The following C3orf70 variants were observed in gnomAD, a reference collection of about 807,000 sequenced individuals.
The protein encoded by C3orf70 is UPF0524 protein C3orf70.
In C3orf70, 15 loss-of-function variants were observed where a neutral mutation model predicts 20.7. The ratio of observed to expected loss-of-function variants is 0.72; its 90% CI spans 0.48 to 1.11. The LOEUF (loss-of-function observed/expected upper bound fraction) is 1.11. C3orf70 is among the 50% of genes most tolerant of loss of function. The pLI is 0.00. For missense variants in C3orf70, 332 were observed against 317.6 expected, an observed-to-expected ratio of 1.05 and a Z score of -0.34; for synonymous variants, 161 against 125.7, an observed-to-expected ratio of 1.28 and a Z score of -1.88.
At chr3:185,098,038 A>C (rs781308979) in intron 1 of C3orf70, among the ~76,000 whole-genome samples, 1 of 152,242 alleles carries the variant, frequency 6.6e-6, no homozygotes, top group Non-Finnish European at 1.5e-5. Context: ...ATCACTTGAC[A>C]ATATAATGGA....
At chr3:185,147,535 G>A (rs1442716023) in intron 1 of C3orf70, among the ~76,000 whole-genome samples, 1 of 152,198 alleles carries the variant, frequency 6.6e-6, no homozygotes, top group Non-Finnish European at 1.5e-5. Flanking sequence ...GTGCAATGAT[G>A]GTTAAGAGTC....
chr3:185,151,057 A>G (rs1375129822), intron 1 of C3orf70, among the ~76,000 whole-genome samples: 12 of 152,242 alleles, frequency 7.9e-5, no homozygotes, highest in Admixed American at 7.9e-4. Context: ...TGAAACAGCC[A>G]TGATCTAAAA....
rs545509548 is a variant in C3orf70, at chr3:185,134,734, C to T, written c.196+17894G>A. On this transcript the variant is annotated intron_variant, in intron 1 of 1. Coordinates refer to ENST00000335012, the MANE Select transcript of C3orf70 (RefSeq NM_001025266.3). ...AGCCAGTAAAGGCTGACAGCTGGGG[C>T]CAAAGATGAACTTCCACCCTTGAAA... Among the ~76,000 whole-genome samples, 10 of 152,256 alleles carry T rather than the reference C, an allele frequency of 6.6e-5. No homozygotes were observed. In the South Asian group the frequency reaches 2.1e-3, roughly 32 times the overall value.
chr3:185,099,565 AG>A (rs1266990358), intron 1 of C3orf70, among the ~76,000 whole-genome samples: 1 of 152,236 alleles, frequency 6.6e-6, no homozygotes, highest in Non-Finnish European at 1.5e-5. Flanking sequence ...GAGCTCCTGA[AG>A]GAAGGAGTAA....
intron 1 of C3orf70, among the ~76,000 whole-genome samples, chr3:185,088,978 C>G (rs1400077177): frequency 6.6e-6 from 1 of 152,074 alleles, no homozygotes. Context: ...GCCAGCAGAG[C>G]CTGAAGAGGG....
chr3:185,097,059 A>C (rs1199394455), intron 1 of C3orf70, among the ~76,000 whole-genome samples: 1 of 152,052 alleles, frequency 6.6e-6, no homozygotes, highest in Non-Finnish European at 1.5e-5. Context: ...GAGTTTAATA[A>C]TACTCTATAT....
chr3:185,116,224 G>T (rs1347566200), intron 1 of C3orf70, among the ~76,000 whole-genome samples: 1 of 152,174 alleles, frequency 6.6e-6, no homozygotes, highest in Non-Finnish European at 1.5e-5. Flanking sequence ...CTCAGCAAAG[G>T]AAGAATGCTA....
At chr3:185,101,559 T>C (rs1715824693) in intron 1 of C3orf70, among the ~76,000 whole-genome samples, 1 of 152,188 alleles carries the variant, frequency 6.6e-6, no homozygotes, top group Non-Finnish European at 1.5e-5. Context: ...AGGCGTCTGC[T>C]TCTGGGGAGG....
At chr3:185,128,498 G>A (rs1199879908) in intron 1 of C3orf70, among the ~76,000 whole-genome samples, 1 of 151,240 alleles carries the variant, frequency 6.6e-6, no homozygotes, top group Non-Finnish European at 1.5e-5. Flanking sequence ...ACTGCACTCC[G>A]GCCTGGCTAC....
rs1715220086 is a variant in C3orf70 at position 185,077,491 on chromosome 3, A to C, written c.*5516T>G. Among the ~76,000 whole-genome samples, 1 of 152,180 alleles carries C rather than the reference A, an allele frequency of 6.6e-6. No homozygotes were observed. Among genetic ancestry groups the C allele is most frequent in the Admixed American group, 6.5e-5 (1 of 15,282 alleles). On this transcript the variant is annotated 3_prime_UTR_variant, in exon 2 of 2. Coordinates refer to ENST00000335012, the MANE Select transcript of C3orf70 (RefSeq NM_001025266.3). ...GAAAGCTTAAGGTAGCCATTGAACT[A>C]TAATTAATATTAACAAGGATTTTAT...
intron 1 of C3orf70, among the ~76,000 whole-genome samples, chr3:185,107,824 T>A (rs1192187880): frequency 6.6e-6 from 1 of 152,172 alleles, no homozygotes; most frequent in African/African-American, 2.4e-5. Context: ...TTCCAAAAAA[T>A]TGGCCTTTAA....
rs1717029131 is a variant in C3orf70, at chr3:185,152,976, G to A, written c.-153C>T. ...CGGCGGCGGGAGCGCGGCGGTCCCAGGCTCGAGGAGGAGCCGCCCCGGGCG... is the reference window on the plus strand; with the variant it reads ...CGGCGGCGGGAGCGCGGCGGTCCCAAGCTCGAGGAGGAGCCGCCCCGGGCG... On this transcript the variant is annotated 5_prime_UTR_variant, in exon 1 of 2. Transcript: ENST00000335012. 20 of 536,330 alleles carry A rather than the reference G, an allele frequency of 3.7e-5. No homozygotes were observed. In the Middle Eastern group the frequency reaches 1.8e-3, roughly 47 times the overall value. The allele number at this position is 536,330 out of a possible 1,614,324, so 33.2% of individuals were successfully genotyped here. A position where few individuals can be genotyped will look rare whatever the true frequency, so the allele number is the denominator to read the frequency against.
rs553074664 is a variant in C3orf70, at chr3:185,080,653, A to G, written c.*2354T>C. On this transcript the variant is annotated 3_prime_UTR_variant, in exon 2 of 2. Transcript: ENST00000335012. ...TGACTGCACTGCTGTGGCCTGACAC[A>G]CGGCTTGCAGGCATTTGGCTTCCAC... 1 of 152,400 alleles carries G rather than the reference A, an allele frequency of 6.6e-6. No individual in the cohort carries two copies. The highest frequency in any genetic ancestry group is 2.4e-5 in the African/African-American group (1 of 41,536). 9.4% of individuals were successfully genotyped at this position (152,400 alleles called of 1,614,324 possible).
At chr3:185,109,484 G>A (rs1400494179) in intron 1 of C3orf70, among the ~76,000 whole-genome samples, 2 of 152,082 alleles carry the variant, frequency 1.3e-5, no homozygotes, top group African/African-American at 4.8e-5. Context: ...CTGATGCTGA[G>A]GAGGACCCCA....
intron 1 of C3orf70, among the ~76,000 whole-genome samples, chr3:185,124,208 T>G (rs977273664): frequency 3.9e-5 from 6 of 152,206 alleles, no homozygotes; most frequent in Admixed American, 3.3e-4. Context: ...TATCCACAGA[T>G]TTTGGTATCC....
chr3:185,110,951 C>G (rs916922566), intron 1 of C3orf70, among the ~76,000 whole-genome samples: 6 of 152,102 alleles, frequency 3.9e-5, no homozygotes, highest in African/African-American at 1.4e-4. Context: ...CTGTGAGACC[C>G]CTGATTTCCC....
At chr3:185,129,336 T>TA (rs1447055379) in intron 1 of C3orf70, among the ~76,000 whole-genome samples, 4 of 152,254 alleles carry the variant, frequency 2.6e-5, no homozygotes, top group Non-Finnish European at 5.9e-5. Context: ...TTTGGTTTTC[T>TA]AGTTTTTGCA....
At chr3:185,146,275 CATTTTT>C (rs1716873446) in intron 1 of C3orf70, among the ~76,000 whole-genome samples, 1 of 114,400 alleles carries the variant, frequency 8.7e-6, no homozygotes, top group African/African-American at 3.3e-5. Flanking sequence ...TTACAACTCT[CATTTTT>C]TTTTTTTTTT....
intron 1 of C3orf70, among the ~76,000 whole-genome samples, chr3:185,123,178 C>A (rs1422834391): frequency 2.0e-3 from 180 of 91,278 alleles, no homozygotes; most frequent in African/African-American, 2.7e-3. Flanking sequence ...GACTCCATCT[C>A]AAAAAAAAAA....
Sources: allele counts gnomAD v4.1 joint callset (sites outside exome capture counted in the v4.1 genomes callset), GRCh38; gene constraint gnomAD v4.1.1; transcripts MANE v1.5; gene names NCBI Gene and HGNC (gene_info 2026-07-23, HGNC 2026-07-21).